PCDH15: variants seen among roughly 807,000 people sequenced by gnomAD.
PCDH15 encodes protocadherin-15.
PCDH15 carries 129 observed loss-of-function variants against 178.5 expected under a neutral mutation model. The ratio of observed to expected loss-of-function variants is 0.72; its 90% CI spans 0.63 to 0.84. The LOEUF is 0.84. Among genes scored for constraint, PCDH15 ranks in the 40% least tolerant of loss-of-function variants. The probability of loss-of-function intolerance (pLI) is 0.00; values close to 1 mark genes in which losing one functional copy is unlikely to be tolerated. For missense variants in PCDH15, 2,230 were observed against 2,099.9 expected, an observed-to-expected ratio of 1.06 and a Z score of -1.21; for synonymous variants, 800 against 732.0, an observed-to-expected ratio of 1.09 and a Z score of -1.50.
chr10:54,977,506 T>C (rs1410359334), intron 2 of PCDH15, among the ~76,000 whole-genome samples: 1 of 151,970 alleles, frequency 6.6e-6, no homozygotes, highest in African/African-American at 2.4e-5. Flanking sequence ...CACTATGGGG[T>C]CCAAAAAGGG....
chr10:55,163,875 T>A (rs188754141), intron 2 of PCDH15, among the ~76,000 whole-genome samples: 1 of 152,262 alleles, frequency 6.6e-6, no homozygotes, highest in African/African-American at 2.4e-5. Context: ...ACCCCTTGTT[T>A]AGCGCATGAT....
chr10:54,307,104 GTATATATATATATATATATA>G lies in PCDH15; in HGVS notation c.876+10147_876+10166del, dbSNP rs1170885233. Among the ~76,000 whole-genome samples the G allele has an allele frequency of 1.1e-3, 30 of 26,562 alleles. 5 individuals are homozygous for G. The East Asian group carries it at 0.032, about 29-fold the overall frequency. The allele number at this position is 26,562 out of a possible 152,430, so 17.4% of individuals were successfully genotyped here. On this transcript the variant is annotated intron_variant, in intron 8 of 37. Transcript: ENST00000644397. ...TACATATATATATATGTGTGTGTGT[GTATATATATATATATATATA>G]TATATATATATATATATATATATAT...
intron 10 of PCDH15, among the ~76,000 whole-genome samples, chr10:54,201,881 A>C (rs1041894432): frequency 6.6e-6 from 1 of 152,340 alleles, no homozygotes; most frequent in African/African-American, 2.4e-5. Context: ...ACCTATGGGT[A>C]ATTAATACTG....
rs148464047 is a variant in PCDH15, at chr10:54,914,185, C to A, written c.-79-16685G>T. On this transcript the variant is annotated intron_variant, in intron 2 of 5. Coordinates refer to the PCDH15 transcript ENST00000458638. ...TCAAATCTCATGTTGAATTTCAATTCTCAGTGTTTGAGGAGGGGCATGGTG... is the reference window on the plus strand; with the variant it reads ...TCAAATCTCATGTTGAATTTCAATTATCAGTGTTTGAGGAGGGGCATGGTG... Among the ~76,000 whole-genome samples, 25 of 152,202 alleles carry A rather than the reference C, an allele frequency of 1.6e-4. No homozygotes were observed. The East Asian group carries it at 3.1e-3, about 19-fold the overall frequency.
chr10:54,755,375 A>G (rs1946935118), intron 1 of PCDH15, among the ~76,000 whole-genome samples: 3 of 152,200 alleles, frequency 2.0e-5, no homozygotes. Flanking sequence ...ATTTTTCTAG[A>G]GACTGAGCCA....
rs150341303 is a variant in PCDH15 at position 55,172,529 on chromosome 10, C to T, written c.-155-5878G>A. ...TGTGCAATGAATGGCCACTTCAGAG[C>T]ATTTGGATATTATAAATCATTATAA... On this transcript the variant is annotated intron_variant, in intron 1 of 5. Coordinates refer to the PCDH15 transcript ENST00000458638. Among the ~76,000 whole-genome samples, 717 of 151,962 alleles carry T rather than the reference C, an allele frequency of 4.7e-3. 9 individuals carry two copies. The highest frequency in any genetic ancestry group is 0.016 in the African/African-American group (676 of 41,488).
chr10:54,510,376 C>T (rs1253510546), intron 3 of PCDH15, among the ~76,000 whole-genome samples: 2 of 152,140 alleles, frequency 1.3e-5, no homozygotes, highest in Non-Finnish European at 2.9e-5. Flanking sequence ...GCATCGGTGA[C>T]AGGGAGGACT....
intron 2 of PCDH15, among the ~76,000 whole-genome samples, chr10:55,067,074 G>T (rs1841584580): frequency 6.6e-6 from 1 of 151,932 alleles, no homozygotes; most frequent in African/African-American, 2.4e-5. Context: ...AGACATGAAA[G>T]AGGTGATTTC....
chr10:54,380,643 GTATATATATA>G (rs59953769), intron 3 of PCDH15, among the ~76,000 whole-genome samples: 2 of 15,294 alleles, frequency 1.3e-4, no homozygotes, highest in African/African-American at 2.1e-4. Flanking sequence ...GTGTATGCAT[GTATATATATA>G]TATATATATA....
chr10:54,311,272 AAT>A (rs1460562940), intron 8 of PCDH15, among the ~76,000 whole-genome samples: 2 of 152,102 alleles, frequency 1.3e-5, no homozygotes, highest in African/African-American at 4.8e-5. Flanking sequence ...ACGCATAGAA[AAT>A]ACGTTAATAT....
Position 54,786,053 on chromosome 10 carries a change from TAC to T in PCDH15, c.-29+14870_-29+14871del, listed in dbSNP as rs1188652669. 4.6e-5 allele frequency among the ~76,000 whole-genome samples: 7 copies of T among 152,178 alleles called. No individual in the cohort carries two copies. The South Asian group carries it at 1.5e-3, about 32-fold the overall frequency. On this transcript the variant is annotated intron_variant, in intron 1 of 37. Coordinates refer to ENST00000644397, the MANE Select transcript of PCDH15 (RefSeq NM_001384140.1). Reference sequence around the variant, plus strand: ...ACACTTATGATATAATATGCACTTATACTTCTCCAGGTAAAGTAATATAAGAA... The same window carrying T: ...ACACTTATGATATAATATGCACTTATTTCTCCAGGTAAAGTAATATAAGAA...
chr10:54,920,132 A>G (rs886287075), intron 2 of PCDH15, among the ~76,000 whole-genome samples: 1 of 152,106 alleles, frequency 6.6e-6, no homozygotes, highest in Non-Finnish European at 1.5e-5. Flanking sequence ...GTTCGTTCCA[A>G]TTTTTAAACC....
At chr10:55,582,628 A>ATATATTTTT (rs780312007) in intron 2 of PCDH15, among the ~76,000 whole-genome samples, 5 of 69,040 alleles carry the variant, frequency 7.2e-5, no homozygotes, top group African/African-American at 3.3e-4. Context: ...ATATATATAT[A>ATATATTTTT]TTTTTTTTTT....
intron 3 of PCDH15, among the ~76,000 whole-genome samples, chr10:54,499,788 C>CTT (rs2080483616): frequency 6.6e-6 from 1 of 151,980 alleles, no homozygotes; most frequent in East Asian, 1.9e-4. Flanking sequence ...TCAAACCAAC[C>CTT]TGAAAGCTAG....
chr10:54,477,974 T>G lies in PCDH15; in HGVS notation c.157+49838A>C, dbSNP rs140544272. Among the ~76,000 whole-genome samples, 638 of 152,286 alleles carry G rather than the reference T, an allele frequency of 4.2e-3. 3 individuals are homozygous for G. Among genetic ancestry groups the G allele is most frequent in the African/African-American group, 0.015 (616 of 41,576 alleles). On this transcript the variant is annotated intron_variant, in intron 3 of 37. Coordinates refer to ENST00000644397, the MANE Select transcript of PCDH15 (RefSeq NM_001384140.1). ...CAATCATTCTATAGTCTTTAAAATC[T>G]AACACTAATTTCAGGTATCAAAATT...
chr10:53,918,375 G>T (rs2083704954), intron 25 of PCDH15, among the ~76,000 whole-genome samples: 1 of 152,144 alleles, frequency 6.6e-6, no homozygotes, highest in Admixed American at 6.6e-5. Context: ...TTAAATTCAT[G>T]CCCAGGTTTC....
intron 26 of PCDH15, among the ~76,000 whole-genome samples, chr10:53,867,342 T>A (rs985931326): frequency 6.6e-6 from 1 of 152,084 alleles, no homozygotes; most frequent in Non-Finnish European, 1.5e-5. Context: ...ATAACTACAG[T>A]TAACAATAGT....
chr10:54,030,816 T>C (rs1303207672), intron 18 of PCDH15, among the ~76,000 whole-genome samples: 1 of 151,938 alleles, frequency 6.6e-6, no homozygotes, highest in East Asian at 1.9e-4. Flanking sequence ...AGTCTATTTA[T>C]GGTATGAATC....
At chr10:55,053,491 C>T (rs1370396806) in intron 2 of PCDH15, among the ~76,000 whole-genome samples, 1 of 152,110 alleles carries the variant, frequency 6.6e-6, no homozygotes, top group East Asian at 1.9e-4. Context: ...ACAAAAGTGT[C>T]TTTATTAAGA....
Sources: allele counts gnomAD v4.1 joint callset (sites outside exome capture counted in the v4.1 genomes callset), GRCh38; gene constraint gnomAD v4.1.1; transcripts MANE v1.5; gene names NCBI Gene and HGNC (gene_info 2026-07-23, HGNC 2026-07-21).